The following CPS1 variants were observed in gnomAD, a reference collection of about 807,000 sequenced individuals.
The protein encoded by CPS1 is carbamoyl-phosphate synthase 1, also known as carbamoyl-phosphate synthase [ammonia], mitochondrial.
Under a neutral mutation model 174.6 loss-of-function variants are expected in CPS1, and 109 were observed. The ratio of observed to expected loss-of-function variants is 0.62; its 90% CI spans 0.53 to 0.73. CPS1 has a LOEUF of 0.73. Ranked by LOEUF, CPS1 falls within the 30% of genes least tolerant of loss-of-function variation. CPS1 has a pLI of 0.00. For synonymous variants in CPS1, 637 were observed against 632.0 expected (o/e 1.01, Z -0.12); for missense variants, 1,689 against 1,821.9 (o/e 0.93, Z 1.33).
intron 9 of CPS1, 135 bp from the exon 10 acceptor site, chr2:210,591,696 C>A: frequency 1.1e-6 from 1 of 899,248 alleles, no homozygotes; most frequent in Non-Finnish European, 1.7e-6. Context: ...ACTTTTCTCA[C>A]AGAGTGATTT....
chr2:210,605,187 A>C lies in CPS1; in HGVS notation c.1922A>C (p.Asp641Ala). ...GAATATGAAGTGGTTCGAGATGCTGATGACAATTGTGTCACTGTCTGTAAC... is the reference window on the plus strand; with the variant it reads ...GAATATGAAGTGGTTCGAGATGCTGCTGACAATTGTGTCACTGTCTGTAAC... ...EIEYEVVRDA[D>A]DNCVTVCNME... The change falls in exon 17 of 38, where the codon GAT becomes GCT. Residue 641 changes from aspartate to alanine, a missense_variant. By Grantham distance (126) the Asp-to-Ala change is moderately radical (BLOSUM62 -2). Transcript: ENST00000233072. The C allele has an allele frequency of 1.2e-6, 2 of 1,612,298 alleles. No homozygotes were observed. Among genetic ancestry groups the C allele is most frequent in the African/African-American group, 2.7e-5 (2 of 74,902 alleles).
chr2:210,600,321 G>A (rs1698672402), intron 14 of CPS1, among the ~76,000 whole-genome samples: 1 of 151,858 alleles, frequency 6.6e-6, no homozygotes, highest in South Asian at 2.1e-4. Context: ...TATTAATAAG[G>A]ATAAAAATGA....
At chr2:210,635,032 C>T (rs562453456) in intron 21 of CPS1, among the ~76,000 whole-genome samples, 1 of 152,290 alleles carries the variant, frequency 6.6e-6, no homozygotes, top group African/African-American at 2.4e-5. Context: ...CAACCCCCAC[C>T]TCCTGGGTTC....
At chr2:210,503,369 TAGAG>T (rs1695197503) in intron 1 of CPS1, among the ~76,000 whole-genome samples, 2 of 152,278 alleles carry the variant, frequency 1.3e-5, no homozygotes, top group African/African-American at 4.8e-5. Flanking sequence ...GACAAGTTGA[TAGAG>T]AGAGACTCAT....
At chr2:210,573,238 A>G in intron 1 of CPS1, 60 bp from the exon 2 acceptor site, 1 of 1,391,406 alleles carries the variant, frequency 7.2e-7, no homozygotes. Flanking sequence ...TTACCTTTGG[A>G]ATATTTTTGT....
At chr2:210,499,583 G>C (rs576132999) in intron 1 of CPS1, among the ~76,000 whole-genome samples, 1 of 152,178 alleles carries the variant, frequency 6.6e-6, no homozygotes, top group Admixed American at 6.5e-5. Context: ...GTATGCACTC[G>C]GGTTAAAAAC....
intron 6 of CPS1, among the ~76,000 whole-genome samples, chr2:210,585,437 T>G (rs1698075492): frequency 6.6e-6 from 1 of 152,094 alleles, no homozygotes; most frequent in African/African-American, 2.4e-5. Context: ...TATTATCTGC[T>G]AGGTTTCTTC....
chr2:210,554,201 A>ATG (rs1225897249), upstream of CPS1, among the ~76,000 whole-genome samples: 6 of 138,018 alleles, frequency 4.3e-5, no homozygotes, highest in African/African-American at 1.4e-4. Flanking sequence ...ACATATATAT[A>ATG]TGTATGTATA....
intron 20 of CPS1, among the ~76,000 whole-genome samples, chr2:210,614,728 T>G (rs1336863209): frequency 2.0e-5 from 3 of 151,962 alleles, no homozygotes; most frequent in Non-Finnish European, 4.4e-5. Flanking sequence ...ATTCATGTCC[T>G]TTGCAGGGAC....
At chr2:210,532,762 G>T (rs1053547713) in intron 1 of CPS1, among the ~76,000 whole-genome samples, 2 of 152,128 alleles carry the variant, frequency 1.3e-5, no homozygotes, top group South Asian at 2.1e-4. Context: ...CAATAAAACA[G>T]TTCCTATTCA....
At position 210,600,626 on chromosome 2, in the gene CPS1, A is replaced by G; in HGVS notation, c.1621A>G (p.Ile541Val). 1 of 1,612,386 alleles carries G rather than the reference A, an allele frequency of 6.2e-7. No homozygotes were observed. The highest frequency in any genetic ancestry group is 8.5e-7 in the Non-Finnish European group (1 of 1,178,908). The stretch of plus-strand genomic sequence containing the variant: ...AGTCCTGGGAACTTCAGTTGAGTCC[A>G]TTATGGCTACGGAAGACAGGCAGCT... Reference protein sequence around the residue: ...VKVLGTSVESIMATEDRQLFS... With the variant: ...VKVLGTSVESVMATEDRQLFS... Residue 541 changes from isoleucine to valine, a missense_variant, in exon 15 of 38, where the codon ATT becomes GTT. Transcript: ENST00000233072.
intron 11 of CPS1, 90 bp downstream of exon 11, chr2:210,593,046 A>G: frequency 1.8e-6 from 2 of 1,115,958 alleles, no homozygotes; most frequent in South Asian, 1.2e-5. Context: ...ACCCCAGATG[A>G]TCTTGAGCAG....
rs769391518 is a variant in CPS1 at position 210,654,096 on chromosome 2, T to G, written c.3552T>G (p.Asp1184Glu). 5 of 1,613,796 alleles carry G rather than the reference T, an allele frequency of 3.1e-6. No homozygotes were observed. The highest frequency in any genetic ancestry group is 4.2e-6 in the Non-Finnish European group (5 of 1,179,794). Reference sequence around the variant, plus strand: ...TAGAAATGGACGCTGTTGGCAAAGATGGAAGGGTAAGTGCTTTATTCTCAT... The same window carrying G: ...TAGAAATGGACGCTGTTGGCAAAGAGGGAAGGGTAAGTGCTTTATTCTCAT... Reference protein sequence around the residue: ...REVEMDAVGKDGRVISHAISE... With the variant: ...REVEMDAVGKEGRVISHAISE... The change falls in exon 29 of 38, where the codon GAT becomes GAG. Residue 1184 changes from aspartate to glutamate, a missense_variant. Physicochemically the swap from Asp to Glu is conservative, Grantham distance 45. Transcript: ENST00000233072.
intron 1 of CPS1, among the ~76,000 whole-genome samples, chr2:210,540,079 G>C (rs944850083): frequency 1.3e-5 from 2 of 152,168 alleles, no homozygotes; most frequent in East Asian, 1.9e-4. Flanking sequence ...TTCACCAGAT[G>C]TGAAAAATTC....
intron 1 of CPS1, among the ~76,000 whole-genome samples, chr2:210,541,407 C>T (rs928663612): frequency 7.2e-5 from 11 of 152,172 alleles, no homozygotes; most frequent in Admixed American, 6.5e-4. Flanking sequence ...TCTCTGGCTG[C>T]TCCTTTCTAT....
At position 210,606,044 on chromosome 2, in the gene CPS1, C is replaced by A. The variant is rs930138706; in HGVS notation, c.1982-687C>A. Among the ~76,000 whole-genome samples, 5 of 152,022 alleles carry A rather than the reference C, an allele frequency of 3.3e-5. No homozygotes were observed. The East Asian group carries it at 9.7e-4, about 30-fold the overall frequency. The stretch of plus-strand genomic sequence containing the variant: ...TTTTATAAAAGAGCTTTGTTTTTGG[C>A]AGTATCAAATGCTATGCAAGACCAA... On this transcript the variant is annotated intron_variant, in intron 17 of 37. Transcript: ENST00000233072.
chr2:210,535,035 C>A (rs546919584), intron 1 of CPS1, among the ~76,000 whole-genome samples: 1 of 152,214 alleles, frequency 6.6e-6, no homozygotes, highest in Non-Finnish European at 1.5e-5. Flanking sequence ...AGGCTCTACA[C>A]CTCATGCCCT....
intron 21 of CPS1, among the ~76,000 whole-genome samples, chr2:210,628,180 C>G (rs1699750528): frequency 6.6e-6 from 1 of 152,146 alleles, no homozygotes; most frequent in South Asian, 2.1e-4. Flanking sequence ...CCCCTTCTAC[C>G]CACTCTTCAG....
chr2:210,511,867 G>A (rs1695504106), intron 1 of CPS1, among the ~76,000 whole-genome samples: 1 of 151,910 alleles, frequency 6.6e-6, no homozygotes, highest in South Asian at 2.1e-4. Context: ...TACACATTGT[G>A]GTTTCAATAA....
Sources: gnomAD v4.1 joint callset for allele counts (sites outside exome capture counted in the v4.1 genomes callset) on GRCh38, gnomAD v4.1.1 for gene constraint, MANE v1.5 for transcripts, NCBI Gene and HGNC (gene_info 2026-07-23, HGNC 2026-07-21) for gene names.